HPSE2: variants seen among roughly 807,000 people sequenced by gnomAD.
HPSE2 encodes the protein inactive heparanase-2.
A neutral mutation model predicts 60.5 loss-of-function variants in HPSE2; 38 were observed. The ratio of observed to expected loss-of-function variants is 0.63; its 90% confidence interval spans 0.48 to 0.82. The LOEUF is 0.82. HPSE2 is among the 40% of genes least tolerant of loss of function. The pLI, the probability that HPSE2 is intolerant of heterozygous loss-of-function variation, is 0.00. For synonymous variants in HPSE2, 295 were observed against 293.2 expected (o/e 1.01, Z -0.06); for missense variants, 713 against 740.4 (o/e 0.96, Z 0.43).
At chr10:98,750,376 T>G (rs1261297937) in intron 3 of HPSE2, among the ~76,000 whole-genome samples, 1 of 152,184 alleles carries the variant, frequency 6.6e-6, no homozygotes, top group African/African-American at 2.4e-5. Flanking sequence ...CTTTGGCTTT[T>G]GCCCTCATTG....
At chr10:99,284,000 T>G in the HPSE2 span, among the ~76,000 whole-genome samples, 1 of 39,404 alleles carries the variant, frequency 2.5e-5, no homozygotes, top group South Asian at 1.0e-3. Flanking sequence ...TCCAAAAAAC[T>G]TAAAGGGAAG....
At chr10:98,905,024 C>T (rs1235304110) in intron 3 of HPSE2, among the ~76,000 whole-genome samples, 2 of 152,064 alleles carry the variant, frequency 1.3e-5, no homozygotes, top group Admixed American at 6.5e-5. Flanking sequence ...AATACCTTAT[C>T]GCCAGCTCTT....
chr10:98,955,516 T>C (rs556509366), intron 3 of HPSE2, among the ~76,000 whole-genome samples: 30 of 152,270 alleles, frequency 2.0e-4, no homozygotes, highest in African/African-American at 6.7e-4. Flanking sequence ...TGTAGGAATA[T>C]AAATTAGTTC....
At chr10:98,814,515 T>C (rs1439149359) in intron 3 of HPSE2, among the ~76,000 whole-genome samples, 3 of 152,140 alleles carry the variant, frequency 2.0e-5, no homozygotes, top group African/African-American at 7.2e-5. Context: ...CAGACAATCA[T>C]CATCACAAGC....
chr10:99,235,694 G>T lies in HPSE2; in HGVS notation c.109C>A (p.Leu37Ile). Residue 37 changes from leucine to isoleucine, a missense_variant, in exon 1 of 12, where the codon CTT becomes ATT. Coordinates refer to ENST00000370552, the MANE Select transcript of HPSE2 (RefSeq NM_021828.5). ...CTCCTGTCTCCAGCCTGGGAGGAAAGGGAGAGATGGAGCAACAGAGCCAAG... is the reference window on the plus strand; with the variant it reads ...CTCCTGTCTCCAGCCTGGGAGGAAATGGAGAGATGGAGCAACAGAGCCAAG... The part of the protein sequence containing the change: ...LYLALLLHLS[L>I]SSQAGDRRPL... The T allele has an allele frequency of 6.2e-7, 1 of 1,614,098 alleles. No individual in the cohort carries two copies. The highest frequency in any genetic ancestry group is 8.5e-7 in the Non-Finnish European group (1 of 1,180,028).
At chr10:98,908,680 T>C (rs368934007) in intron 3 of HPSE2, among the ~76,000 whole-genome samples, 3 of 44,962 alleles carry the variant, frequency 6.7e-5, no homozygotes, top group African/African-American at 1.7e-4. Flanking sequence ...CGTAGCTCCA[T>C]CTCAAAAAAA....
chr10:98,461,907 GGTTTC>G, intron 11 of HPSE2: 2 of 959,160 alleles, frequency 2.1e-6, no homozygotes, highest in Non-Finnish European at 3.3e-6. Flanking sequence ...GCCCTATTCT[GGTTTC>G]TTTATTGGTT....
chr10:98,872,787 AT>A (rs1312536098), intron 3 of HPSE2, among the ~76,000 whole-genome samples: 1 of 152,152 alleles, frequency 6.6e-6, no homozygotes, highest in Non-Finnish European at 1.5e-5. Flanking sequence ...TTTCTTATCA[AT>A]TCGGAGTACG....
chr10:98,695,345 C>T (rs374489856), intron 5 of HPSE2, among the ~76,000 whole-genome samples: 13 of 152,048 alleles, frequency 8.5e-5, no homozygotes, highest in Non-Finnish European at 1.6e-4. Context: ...AACGGTTTTG[C>T]CTTTCTTTCT....
At chr10:98,805,756 G>A (rs1951028337) in intron 3 of HPSE2, among the ~76,000 whole-genome samples, 1 of 152,116 alleles carries the variant, frequency 6.6e-6, no homozygotes, top group Admixed American at 6.5e-5. Context: ...GAAAGAAATT[G>A]TTGATCATTT....
intron 3 of HPSE2, among the ~76,000 whole-genome samples, chr10:98,794,669 T>C (rs1368168831): frequency 6.6e-6 from 1 of 152,170 alleles, no homozygotes; most frequent in African/African-American, 2.4e-5. Context: ...GTTTGTTTGA[T>C]GTTTCTTTGA....
rs564225505 is a variant in HPSE2, at chr10:98,801,326, G to GT, written c.611-57271dup. Among the ~76,000 whole-genome samples, 234 of 151,864 alleles carry GT rather than the reference G, an allele frequency of 1.5e-3. 2 individuals are homozygous for GT. Among genetic ancestry groups the GT allele is most frequent in the African/African-American group, 5.3e-3 (218 of 41,426 alleles). On this transcript the variant is annotated intron_variant, in intron 3 of 11. Transcript: ENST00000370552. ...AACAAAAATACCCACTTTTACCACT[G>GT]TTATTTAACATAGTACTGGAAGTCC...
In HPSE2 at chr10:99,111,902, G is replaced by C. The variant is rs575481501; in HGVS notation, c.610+32336C>G. 2.0e-4 allele frequency among the ~76,000 whole-genome samples: 31 copies of C among 152,214 alleles called. 1 individual carries two copies. Among genetic ancestry groups the C allele is most frequent in the South Asian group, 1.2e-3 (6 of 4,830 alleles). On this transcript the variant is annotated intron_variant, in intron 3 of 11. Coordinates refer to ENST00000370552, the MANE Select transcript of HPSE2 (RefSeq NM_021828.5). ...CAATGCTAGAGATCTGTAATTGTTT[G>C]TACATATTTCAAATATTAAATATTG...
At chr10:99,081,523 T>C (rs1843135464) in intron 3 of HPSE2, among the ~76,000 whole-genome samples, 2 of 152,148 alleles carry the variant, frequency 1.3e-5, no homozygotes, top group Admixed American at 6.5e-5. Flanking sequence ...TATCTGGATA[T>C]ACTCGGCACT....
chr10:99,010,785 A>C (rs889424373), intron 3 of HPSE2, among the ~76,000 whole-genome samples: 3 of 152,198 alleles, frequency 2.0e-5, no homozygotes, highest in African/African-American at 4.8e-5. Context: ...TCGAGAATAG[A>C]CACAAAATTC....
intron 9 of HPSE2, among the ~76,000 whole-genome samples, chr10:98,563,987 C>T (rs1944266533): frequency 6.6e-6 from 1 of 152,190 alleles, no homozygotes. Flanking sequence ...GAAATGATGT[C>T]ACCTACTTTC....
intron 3 of HPSE2, among the ~76,000 whole-genome samples, chr10:99,063,146 T>C (rs1258169017): frequency 7.2e-5 from 11 of 152,222 alleles, no homozygotes; most frequent in African/African-American, 1.9e-4. Context: ...TTAGGAGTTA[T>C]ATGAGAATAT....
intron 6 of HPSE2, among the ~76,000 whole-genome samples, chr10:98,670,186 G>T (rs1320363069): frequency 6.6e-6 from 1 of 152,168 alleles, no homozygotes; most frequent in Non-Finnish European, 1.5e-5. Flanking sequence ...GTTAAGTAGG[G>T]CCATGCAGGC....
At chr10:99,195,034 G>C (rs764679012) in intron 2 of HPSE2, among the ~76,000 whole-genome samples, 3 of 151,902 alleles carry the variant, frequency 2.0e-5, no homozygotes, top group African/African-American at 7.2e-5. Flanking sequence ...TCACTCACTC[G>C]GACCAAGTGG....
Sources: allele counts gnomAD v4.1 joint callset (sites outside exome capture counted in the v4.1 genomes callset), GRCh38; gene constraint gnomAD v4.1.1; transcripts MANE v1.5; gene names NCBI Gene and HGNC (gene_info 2026-07-23, HGNC 2026-07-21).